Variants in CSK observed in about 807,000 individuals in gnomAD.
CSK encodes C-terminal Src kinase.
CSK carries 7 observed loss-of-function variants against 62.3 expected under a neutral mutation model. The ratio of observed to expected loss-of-function variants is 0.11; its 90% CI spans 0.06 to 0.21. The LOEUF (loss-of-function observed/expected upper bound fraction) is 0.21. Among genes scored for constraint, CSK ranks in the 10% least tolerant of loss-of-function variants. The pLI, the probability that CSK is intolerant of heterozygous loss-of-function variation, is 1.00. For synonymous variants in CSK, 237 were observed against 246.0 expected, an observed-to-expected ratio of 0.96 and a Z score of 0.34; for missense variants, 294 against 613.5, an observed-to-expected ratio of 0.48 and a Z score of 5.50.
At chr15:74,792,305 G>A (rs1466928598) in intron 1 of CSK, among the ~76,000 whole-genome samples, 3 of 152,106 alleles carry the variant, frequency 2.0e-5, no homozygotes, top group East Asian at 1.9e-4. Flanking sequence ...GAAGTCCCTC[G>A]GTAAAGGAGG....
intron 1 of CSK, among the ~76,000 whole-genome samples, chr15:74,784,358 A>G (rs1022266602): frequency 6.6e-6 from 1 of 152,018 alleles, no homozygotes; most frequent in Non-Finnish European, 1.5e-5. Flanking sequence ...GGAGCCTGAC[A>G]TGGTTAGCTC....
rs991804815 is a variant in CSK at position 74,799,056 on chromosome 15, G to A, written c.242+118G>A. On this transcript the variant is annotated intron_variant, in intron 4 of 12. Transcript: ENST00000220003. ...TGGGTGTTGGGGAGGGCCTCAGGAG[G>A]AGGTGCAGGGTGCGGGTGCGGGACC... 5.6e-6 allele frequency: 6 copies of A among 1,072,474 alleles called. No homozygotes were observed. In the South Asian group the frequency reaches 8.2e-5, roughly 15 times the overall value. 66.4% of individuals were successfully genotyped at this position (1,072,474 alleles called of 1,614,324 possible).
chr15:74,782,954 T>C lies in CSK; in HGVS notation c.-66+234T>C, dbSNP rs1336930865. ...TGCCCTGCAGCTCCACGGACTCGTCTTCTCGGGTCATCCCGAGTCCCCCCC... is the reference window on the plus strand; with the variant it reads ...TGCCCTGCAGCTCCACGGACTCGTCCTCTCGGGTCATCCCGAGTCCCCCCC... On this transcript the variant is annotated intron_variant, in intron 1 of 12. Coordinates refer to ENST00000220003, the MANE Select transcript of CSK (RefSeq NM_004383.3). This position sits in a 1 kb window ranked among gnomAD's most constrained non-coding sequence, Gnocchi z 5.7. Among the ~76,000 whole-genome samples the C allele has an allele frequency of 6.6e-6, 1 of 152,268 alleles. No homozygotes were observed. The highest frequency in any genetic ancestry group is 1.9e-4 in the East Asian group (1 of 5,198).
intron 5 of CSK, 116 bp from the exon 6 acceptor site, chr15:74,800,296 C>A: frequency 1.2e-6 from 1 of 845,762 alleles, no homozygotes; most frequent in Non-Finnish European, 2.0e-6. Flanking sequence ...CCTCCCCACT[C>A]AGTGACTCCA....
In CSK at chr15:74,786,002, C is replaced by CTTT. The variant is rs536939856; in HGVS notation, c.-66+3292_-66+3294dup. 9.6e-4 allele frequency among the ~76,000 whole-genome samples: 71 copies of CTTT among 73,614 alleles called. 1 individual carries two copies. The highest frequency in any genetic ancestry group is 6.9e-3 in the Admixed American group (53 of 7,660). The allele number at this position is 73,614 out of a possible 152,430, so 48.3% of individuals were successfully genotyped here. On this transcript the variant is annotated intron_variant, in intron 1 of 12. Transcript: ENST00000220003. ...AGGCCTCTTCTCTCTCTCTCTCTCT[C>CTTT]TTTTTTTTTTTTGTGTGTGTGTGTG...
chr15:74,802,604 A>G lies in CSK; in HGVS notation c.*91A>G. ...CCCTGCTCACTGGGCCCGAGCCTGA[A>G]CTGAGCCCCAGCGGGCTGGCGGGCC... On this transcript the variant is annotated 3_prime_UTR_variant, in exon 13 of 13. Transcript: ENST00000220003. 1 of 1,509,028 alleles carries G rather than the reference A, an allele frequency of 6.6e-7. No individual in the cohort carries two copies. The highest frequency in any genetic ancestry group is 8.9e-7 in the Non-Finnish European group (1 of 1,120,298). The allele number at this position is 1,509,028 out of a possible 1,614,324, so 93.5% of individuals were successfully genotyped here.
At chr15:74,789,652 C>T (rs556933344) in intron 1 of CSK, among the ~76,000 whole-genome samples, 22 of 152,338 alleles carry the variant, frequency 1.4e-4, no homozygotes, top group Admixed American at 8.5e-4. Context: ...CATCCTGAAC[C>T]TTCTTCAGTC....
rs958398148 is a variant in CSK at position 74,787,857 on chromosome 15, C to G, written c.-66+5137C>G. Among the ~76,000 whole-genome samples the G allele has an allele frequency of 2.0e-5, 3 of 152,240 alleles. No homozygotes were observed. In the South Asian group the frequency reaches 6.2e-4, roughly 31 times the overall value. ...TCAGCCCAGCCTGACACCTGGTCCTCATGCAGACTCGCGCATCTATCTATC... is the reference window on the plus strand; with the variant it reads ...TCAGCCCAGCCTGACACCTGGTCCTGATGCAGACTCGCGCATCTATCTATC... On this transcript the variant is annotated intron_variant, in intron 1 of 12. Transcript: ENST00000220003.
Position 74,798,123 on chromosome 15 carries a change from C to T in CSK, c.-65-110C>T. On this transcript the variant is annotated intron_variant, in intron 1 of 12. Coordinates refer to ENST00000220003, the MANE Select transcript of CSK (RefSeq NM_004383.3). The surrounding 1 kb of genome is among the most constrained non-coding windows in gnomAD (Gnocchi z 6.6). The stretch of plus-strand genomic sequence containing the variant: ...GAGAGAATGGCCCATGTGTCAAATC[C>T]CAGCGCAGGACACTCTTGGCACCTG... 1.6e-6 allele frequency: 1 copy of T among 641,116 alleles called. No individual in the cohort carries two copies. The highest frequency in any genetic ancestry group is 2.7e-6 in the Non-Finnish European group (1 of 376,012). 39.7% of individuals were successfully genotyped at this position (641,116 alleles called of 1,614,324 possible).
chr15:74,789,283 G>A lies in CSK; in HGVS notation c.-66+6563G>A, dbSNP rs540224105. 2.6e-5 allele frequency among the ~76,000 whole-genome samples: 4 copies of A among 152,358 alleles called. No homozygotes were observed. In the South Asian group the frequency reaches 6.2e-4, roughly 24 times the overall value. The stretch of plus-strand genomic sequence containing the variant: ...TTCTGTTCCTTCGTAACCGCCCCGG[G>A]AGGTGTAGGCATCTCCAAGACCCTG... On this transcript the variant is annotated intron_variant, in intron 1 of 12. Transcript: ENST00000220003.
At chr15:74,799,733 G>A (rs1395906041) in intron 5 of CSK, among the ~76,000 whole-genome samples, 3 of 152,198 alleles carry the variant, frequency 2.0e-5, no homozygotes, top group Non-Finnish European at 4.4e-5. Flanking sequence ...ACCAGGAGTT[G>A]AAGGTTCAGA....
chr15:74,801,230 T>C, intron 9 of CSK, 128 bp downstream of exon 9: 1 of 999,958 alleles, frequency 1.0e-6, no homozygotes, highest in Non-Finnish European at 1.5e-6. Flanking sequence ...GGCTGGGCTT[T>C]TGTCCTGGTT....
intron 5 of CSK, among the ~76,000 whole-genome samples, chr15:74,799,697 A>C (rs1826197767): frequency 6.6e-6 from 1 of 152,156 alleles, no homozygotes; most frequent in Non-Finnish European, 1.5e-5. Context: ...CACCATGAGG[A>C]GGGGAGCCTT....
Position 74,802,663 on chromosome 15 carries a change from C to G in CSK, c.*150C>G. ...GCGTCCCAGCCTGCACCCCTCCGGC[C>G]CCGTCTCTCTTGGACCCACCTGTGG... On this transcript the variant is annotated 3_prime_UTR_variant, in exon 13 of 13. Transcript: ENST00000220003. 2.0e-6 allele frequency: 2 copies of G among 984,304 alleles called. No individual in the cohort carries two copies. The highest frequency in any genetic ancestry group is 1.7e-5 in the South Asian group (1 of 58,330). The allele number at this position is 984,304 out of a possible 1,614,324, so 61.0% of individuals were successfully genotyped here.
At chr15:74,787,352 TGGG>T (rs1310802462) in intron 1 of CSK, among the ~76,000 whole-genome samples, 2 of 151,840 alleles carry the variant, frequency 1.3e-5, no homozygotes. Flanking sequence ...CTCCACCAGT[TGGG>T]GGGGTGCTCT....
In CSK at chr15:74,801,112, TGCCGAGACCCGGCACTCAG is replaced by T; in HGVS notation, c.813+14_813+32del. The T allele has an allele frequency of 6.2e-7, 1 of 1,613,048 alleles. No individual in the cohort carries two copies. Among genetic ancestry groups the T allele is most frequent in the South Asian group, 1.1e-5 (1 of 91,070 alleles). On this transcript the variant is annotated intron_variant, in intron 9 of 12. Coordinates refer to ENST00000220003, the MANE Select transcript of CSK (RefSeq NM_004383.3). ...TGAGTACATGGCCAAGGTGGGCACC[TGCCGAGACCCGGCACTCAG>T]GCCTTCCAACTGCCCCGAAACCCCC...
chr15:74,791,910 CGT>C (rs1423598400), intron 1 of CSK, among the ~76,000 whole-genome samples: 1 of 152,232 alleles, frequency 6.6e-6, no homozygotes, highest in Non-Finnish European at 1.5e-5. Context: ...GTTGTCCGCA[CGT>C]CTCCCTGTAG....
Position 74,798,096 on chromosome 15 carries a change from TG to T in CSK, c.-65-135del. The T allele has an allele frequency of 3.4e-6, 2 of 582,386 alleles. No homozygotes were observed. The highest frequency in any genetic ancestry group is 2.1e-5 in the South Asian group (1 of 46,766). 36.1% of individuals were successfully genotyped at this position (582,386 alleles called of 1,614,324 possible). On this transcript the variant is annotated intron_variant, in intron 1 of 12. Transcript: ENST00000220003. The surrounding 1 kb of genome is among the most constrained non-coding windows in gnomAD (Gnocchi z 6.6). ...CCCAGTACCGTCAGCCTGCCAGGAC[TG>T]GAGAGAATGGCCCATGTGTCAAATC...
Position 74,801,476 on chromosome 15 carries a change from G to T in CSK, c.814-46G>T, listed in dbSNP as rs367785871. On this transcript the variant is annotated intron_variant, in intron 9 of 12. Transcript: ENST00000220003. ...CCCCAGCGTGCTGTGTGAGAGGGCTGCAGGGCACGTCTGACCTCGGCCTGG... is the reference window on the plus strand; with the variant it reads ...CCCCAGCGTGCTGTGTGAGAGGGCTTCAGGGCACGTCTGACCTCGGCCTGG... 1.9e-6 allele frequency: 3 copies of T among 1,576,284 alleles called. No individual in the cohort carries two copies. In the African/African-American group the frequency reaches 4.1e-5, roughly 21 times the overall value.
Sources: allele counts gnomAD v4.1 joint callset (sites outside exome capture counted in the v4.1 genomes callset), GRCh38; gene constraint gnomAD v4.1.1; non-coding constraint Gnocchi (gnomAD v3.1); transcripts MANE v1.5; gene names NCBI Gene and HGNC (gene_info 2026-07-23, HGNC 2026-07-21).